OCRL: variants seen among roughly 807,000 people sequenced by gnomAD.
OCRL encodes OCRL inositol polyphosphate-5-phosphatase, also known as inositol polyphosphate 5-phosphatase OCRL.
In OCRL, 8 loss-of-function variants were observed where a neutral mutation model predicts 78.9. The observed-to-expected ratio is 0.10, with a 90% CI of 0.06 to 0.18. The LOEUF is 0.18. Among genes scored for constraint, OCRL ranks in the 10% least tolerant of loss-of-function variants. OCRL has a pLI of 1.00. For synonymous variants in OCRL, 240 were observed against 235.4 expected (o/e 1.02, Z -0.18); for missense variants, 454 against 696.7 (o/e 0.65, Z 3.92).
chrX:129,585,752 C>T (rs1047447407), intron 19 of OCRL, among the ~76,000 whole-genome samples: 1 of 112,110 alleles, frequency 8.9e-6, no homozygotes, highest in African/African-American at 3.2e-5. Context: ...ACACTCCCTT[C>T]TCTTTCTTAT....
chrX:129,582,805 A>G (rs149652697), intron 18 of OCRL, among the ~76,000 whole-genome samples: 678 of 108,309 alleles, frequency 6.3e-3, no homozygotes, highest in African/African-American at 0.022. Context: ...CCCCATGGAT[A>G]ACAGTAGTGT....
intron 2 of OCRL, among the ~76,000 whole-genome samples, chrX:129,542,409 AATAGTTTTAAATATATATAAACT>A (rs1211260575): frequency 2.8e-5 from 3 of 106,504 alleles, no homozygotes; most frequent in Non-Finnish European, 5.7e-5. Flanking sequence ...AAACTATGTA[AATAGTTTTAAATATATATAAACT>A]ATAGTTTTAA....
Position 129,558,961 on chromosome X carries a change from G to C in OCRL, c.682G>C (p.Ala228Pro). 1 of 1,210,573 alleles carries C rather than the reference G, an allele frequency of 8.3e-7. No homozygotes were observed. The highest frequency in any genetic ancestry group is 1.8e-5 in the South Asian group (1 of 56,560). Residue 228 changes from alanine (A) to proline (P), a missense_variant, in exon 8 of 24, where the codon GCA becomes CCA. Ala to Pro is a conservative substitution (Grantham distance 27). Transcript: ENST00000371113. ...GGAGGGTCTCATCAAACATATCCTG[G>C]CAAAGCGAGAGAAAGAATATGTCAA... ...QREGLIKHIL[A>P]KREKEYVNIQ...
At chrX:129,565,128 A>C (rs1376664995) in intron 12 of OCRL, among the ~76,000 whole-genome samples, 1 of 111,797 alleles carries the variant, frequency 8.9e-6, no homozygotes, top group Non-Finnish European at 1.9e-5. Flanking sequence ...ACTTGAGCTC[A>C]CTCAACAGGA....
rs1225358246 is a variant in OCRL at position 129,566,408 on chromosome X, T to C, written c.1356+525T>C. On this transcript the variant is annotated intron_variant, in intron 13 of 23. Coordinates refer to ENST00000371113, the MANE Select transcript of OCRL (RefSeq NM_000276.4). The stretch of plus-strand genomic sequence containing the variant: ...AACTAGATGATAAGTTGAAGCTAGC[T>C]GGTATTTAAAACCTGCAGGAAAAGC... Among the ~76,000 whole-genome samples, 8 of 112,670 alleles carry C rather than the reference T, an allele frequency of 7.1e-5. No individual in the cohort carries two copies. In the South Asian group the frequency reaches 1.1e-3, roughly 15 times the overall value.
chrX:129,553,157 A>G (rs939718969), intron 4 of OCRL: 1 of 112,518 alleles, frequency 8.9e-6, no homozygotes, highest in Non-Finnish European at 1.9e-5. Flanking sequence ...TGAGAGAGAA[A>G]CTAGATGAGT....
chrX:129,540,283 C>G lies in OCRL; in HGVS notation c.-157C>G, dbSNP rs950450059. On this transcript the variant is annotated 5_prime_UTR_variant, in exon 1 of 24. Coordinates refer to ENST00000371113, the MANE Select transcript of OCRL (RefSeq NM_000276.4). The stretch of plus-strand genomic sequence containing the variant: ...TCTCTCTTGGGTCAGATTCTCAGCT[C>G]CCAGCTCCCCGCTCCCGGCTCCCGG... The G allele has an allele frequency of 1.1e-4, 64 of 592,750 alleles. No individual in the cohort carries two copies. The highest frequency in any genetic ancestry group is 1.3e-4 in the Non-Finnish European group (47 of 370,021). The allele number at this position is 592,750 out of a possible 1,213,427, so 48.8% of individuals were successfully genotyped here. A position where few individuals can be genotyped will look rare whatever the true frequency, so the allele number is the denominator to read the frequency against.
intron 18 of OCRL, among the ~76,000 whole-genome samples, chrX:129,581,120 T>G (rs1980706049): frequency 8.9e-6 from 1 of 112,736 alleles, no homozygotes; most frequent in South Asian, 3.6e-4. Context: ...CCGCCTCAGC[T>G]TCCCAAGGTG....
At chrX:129,576,614 G>A (rs977712970) in intron 18 of OCRL, 62 bp downstream of exon 18, 32 of 854,277 alleles carry the variant, frequency 3.7e-5, no homozygotes, top group Middle Eastern at 2.7e-4. Flanking sequence ...CTTAAGTGAC[G>A]TCCTCATTAT....
At chrX:129,549,817 A>C (rs1160220705) in intron 4 of OCRL, 2 of 112,522 alleles carry the variant, frequency 1.8e-5, no homozygotes, top group African/African-American at 3.2e-5. Flanking sequence ...TTCTCTTATA[A>C]GCACCTAATT....
chrX:129,543,310 CAGTT>C, intron 2 of OCRL, among the ~76,000 whole-genome samples: 1 of 112,720 alleles, frequency 8.9e-6, no homozygotes, highest in East Asian at 2.8e-4. Flanking sequence ...CTTAAATTCT[CAGTT>C]TATTTGTTTT....
At position 129,590,707 on chromosome X, in the gene OCRL, G is replaced by GA; in HGVS notation, c.*437_*438insA. 1 of 185,900 alleles carries GA rather than the reference G, an allele frequency of 5.4e-6. No individual in the cohort carries two copies. The highest frequency in any genetic ancestry group is 1.0e-5 in the Non-Finnish European group (1 of 99,561). 15.3% of individuals were successfully genotyped at this position (185,900 alleles called of 1,213,427 possible). A position where few individuals can be genotyped will look rare whatever the true frequency, so the allele number is the denominator to read the frequency against. ...TTGCACTTTTGACCCACCCCTTCCT[G>GA]GATCACTCCTTTGCACTCCACTCCC... is the stretch of plus-strand genomic sequence containing the variant. On this transcript the variant is annotated 3_prime_UTR_variant, in exon 24 of 24. Transcript: ENST00000371113.
chrX:129,544,252 G>A (rs936731101), intron 2 of OCRL, among the ~76,000 whole-genome samples: 2 of 111,459 alleles, frequency 1.8e-5, no homozygotes, highest in African/African-American at 6.5e-5. Context: ...TCAGGAGTAC[G>A]TATGGATTTA....
chrX:129,580,047 A>C (rs951874606), intron 18 of OCRL, among the ~76,000 whole-genome samples: 31 of 112,446 alleles, frequency 2.8e-4, no homozygotes, highest in African/African-American at 9.3e-4. Context: ...ATATGCTATA[A>C]AAGCTTATTG....
chrX:129,558,559 C>G (rs1012746561), intron 6 of OCRL, 74 bp from the exon 7 acceptor site: 1 of 1,133,588 alleles, frequency 8.8e-7, no homozygotes, highest in Non-Finnish European at 1.2e-6. Flanking sequence ...GTGATCAAAT[C>G]AAAGCCCTGT....
chrX:129,553,159 T>A (rs752682065), intron 4 of OCRL: 3 of 112,451 alleles, frequency 2.7e-5, no homozygotes, highest in Non-Finnish European at 5.6e-5. Flanking sequence ...AGAGAGAAAC[T>A]AGATGAGTAT....
intron 3 of OCRL, among the ~76,000 whole-genome samples, chrX:129,545,797 G>A (rs868499017): frequency 3.6e-5 from 4 of 111,674 alleles, no homozygotes; most frequent in Middle Eastern, 4.6e-3. Flanking sequence ...TTCAAGACAA[G>A]GTCATTTCCC....
chrX:129,591,000 C>T lies in OCRL; in HGVS notation c.*730C>T, dbSNP rs754468132. On this transcript the variant is annotated 3_prime_UTR_variant, in exon 24 of 24. Coordinates refer to ENST00000371113, the MANE Select transcript of OCRL (RefSeq NM_000276.4). The stretch of plus-strand genomic sequence containing the variant: ...GAGAGAATCACAATCAGAATGGAAG[C>T]ACTTTGAGTATCTGAAGAGTGAGAG... The T allele has an allele frequency of 6.1e-5, 7 of 113,901 alleles. No individual in the cohort carries two copies. The highest frequency in any genetic ancestry group is 2.3e-4 in the African/African-American group (7 of 30,727). The allele number at this position is 113,901 out of a possible 1,213,427, so 9.4% of individuals were successfully genotyped here.
intron 2 of OCRL, among the ~76,000 whole-genome samples, chrX:129,544,631 A>G (rs891689062): frequency 2.7e-5 from 3 of 111,923 alleles, no homozygotes; most frequent in South Asian, 7.4e-4. Context: ...TGGTCCCTGC[A>G]CTCATGGACT....
Sources: allele counts gnomAD v4.1 joint callset (sites outside exome capture counted in the v4.1 genomes callset), GRCh38; gene constraint gnomAD v4.1.1; transcripts MANE v1.5; gene names NCBI Gene and HGNC (gene_info 2026-07-23, HGNC 2026-07-21).